Variants in LAMP5 observed in about 807,000 individuals in gnomAD.
LAMP5 encodes the protein lysosome associated membrane protein 5.
A neutral mutation model predicts 30.2 loss-of-function variants in LAMP5; 36 were observed. That is an observed-to-expected ratio of 1.19 (90% CI 0.91 to 1.57). LAMP5 has a LOEUF of 1.57. Ranked by LOEUF, LAMP5 falls within the 40% of genes most tolerant of loss-of-function variation. The pLI is 0.00. For missense variants in LAMP5, 377 were observed against 354.9 expected (o/e 1.06, Z -0.50); for synonymous variants, 149 against 134.6 (o/e 1.11, Z -0.74).
Position 9,516,330 on chromosome 20 carries a change from G to T in LAMP5, c.444G>T (p.Ser148=). The change falls in exon 4 of 6, where the codon TCG becomes TCT. Residue 148 remains serine (S), a synonymous_variant. Transcript: ENST00000246070. The part of the protein sequence containing the change: ...LSKVQFVYDS[S]EKTHFKDAVS... ...AAGTGCAGTTTGTCTACGACTCCTC[G>T]GAGAAAACCCACTTCAAAGACGCAG... The T allele has an allele frequency of 6.2e-7, 1 of 1,614,138 alleles. No individual in the cohort carries two copies. The highest frequency in any genetic ancestry group is 8.5e-7 in the Non-Finnish European group (1 of 1,180,032).
At chr20:9,515,361 C>A in intron 1 of LAMP5, 92 bp from the exon 2 acceptor site, 1 of 1,268,856 alleles carries the variant, frequency 7.9e-7, no homozygotes, top group Non-Finnish European at 1.1e-6. Flanking sequence ...CTTTGTCACT[C>A]CAAAGCCTGC....
intron 5 of LAMP5, among the ~76,000 whole-genome samples, chr20:9,526,422 A>G (rs1052320954): frequency 1.3e-5 from 2 of 152,210 alleles, no homozygotes; most frequent in Non-Finnish European, 2.9e-5. Flanking sequence ...AAAATAAATA[A>G]CCTTTGTTGT....
chr20:9,516,808 T>G (rs961560162), intron 4 of LAMP5, among the ~76,000 whole-genome samples: 2 of 152,164 alleles, frequency 1.3e-5, no homozygotes, highest in African/African-American at 2.4e-5. Flanking sequence ...TCAGTGTCTT[T>G]TTGCGCATGG....
At chr20:9,527,813 A>C (rs555449071) in intron 5 of LAMP5, among the ~76,000 whole-genome samples, 1 of 152,288 alleles carries the variant, frequency 6.6e-6, no homozygotes, top group East Asian at 1.9e-4. Context: ...ATGTAAAAAA[A>C]TGGAGACTCA....
At chr20:9,521,706 T>C (rs2045080646) in intron 5 of LAMP5, among the ~76,000 whole-genome samples, 1 of 152,164 alleles carries the variant, frequency 6.6e-6, no homozygotes, top group Non-Finnish European at 1.5e-5. Context: ...TGCAATTCCC[T>C]TGGAGAGCCC....
rs1052495637 is a variant in LAMP5, at chr20:9,515,640, C to T, written c.237+15C>T. ...ACTACGTAGATGTAAGGAATCTTTC[C>T]CCCCCCTCAGCTTGCTCCTAGGGCT... On this transcript the variant is annotated intron_variant, in intron 2 of 5. Coordinates refer to ENST00000246070, the MANE Select transcript of LAMP5 (RefSeq NM_012261.4). The T allele has an allele frequency of 1.2e-6, 2 of 1,607,134 alleles. No homozygotes were observed. The highest frequency in any genetic ancestry group is 1.1e-5 in the South Asian group (1 of 90,888).
At chr20:9,524,605 A>AAAC (rs2045100194) in intron 5 of LAMP5, among the ~76,000 whole-genome samples, 1 of 149,770 alleles carries the variant, frequency 6.7e-6, no homozygotes, top group Admixed American at 6.6e-5. Context: ...TAAAAAAAAA[A>AAAC]AAAAAAAAAA....
intron 5 of LAMP5, among the ~76,000 whole-genome samples, chr20:9,524,853 G>T (rs1473922191): frequency 6.6e-6 from 1 of 152,160 alleles, no homozygotes; most frequent in African/African-American, 2.4e-5. Context: ...GTCAGGTTTT[G>T]CTGCCAAACA....
At chr20:9,528,895 C>T (rs180838142) in intron 5 of LAMP5, among the ~76,000 whole-genome samples, 2 of 152,310 alleles carry the variant, frequency 1.3e-5, no homozygotes, top group Middle Eastern at 3.4e-3. Context: ...CATAATATTT[C>T]TGAGATGCAC....
At chr20:9,521,243 T>G (rs1329915191) in intron 5 of LAMP5, among the ~76,000 whole-genome samples, 2 of 152,102 alleles carry the variant, frequency 1.3e-5, no homozygotes, top group African/African-American at 4.8e-5. Context: ...AGGTGACATC[T>G]GCTCAGCAGC....
At position 9,514,705 on chromosome 20, in the gene LAMP5, G is replaced by A. The variant is rs551150524; in HGVS notation, c.-148G>A. 3 of 668,160 alleles carry A rather than the reference G, an allele frequency of 4.5e-6. No homozygotes were observed. The South Asian group carries it at 5.5e-5, about 12-fold the overall frequency. 41.4% of individuals were successfully genotyped at this position (668,160 alleles called of 1,614,324 possible). A position where few individuals can be genotyped will look rare whatever the true frequency, so the allele number is the denominator to read the frequency against. ...GCGCTCGACACCGAGTCCTAGCTAG[G>A]CGCTCACAGAATACGCGCTCCCTCC... On this transcript the variant is annotated 5_prime_UTR_variant, in exon 1 of 6. Transcript: ENST00000246070.
At chr20:9,525,773 CCCCA>C (rs2122845339) in intron 5 of LAMP5, among the ~76,000 whole-genome samples, 1 of 152,298 alleles carries the variant, frequency 6.6e-6, no homozygotes, top group African/African-American at 2.4e-5. Context: ...TTTGTTAACT[CCCCA>C]CCCTCCCTGT....
At chr20:9,516,570 C>T (rs537031032) in intron 4 of LAMP5, among the ~76,000 whole-genome samples, 130 of 152,234 alleles carry the variant, frequency 8.5e-4, no homozygotes, top group Non-Finnish European at 1.6e-3. Context: ...GAACCGCAGG[C>T]GTGGGGACCC....
chr20:9,514,880 A>G lies in LAMP5; in HGVS notation c.28A>G (p.Ser10Gly), dbSNP rs768566208. The G allele has an allele frequency of 7.7e-5, 124 of 1,614,070 alleles. No individual in the cohort carries two copies. Among genetic ancestry groups the G allele is most frequent in the Non-Finnish European group, 9.7e-5 (115 of 1,180,038 alleles). Residue 10 changes from serine to glycine, a missense_variant, in exon 1 of 6, where the codon AGC (serine) becomes GGC (glycine). Coordinates refer to ENST00000246070, the MANE Select transcript of LAMP5 (RefSeq NM_012261.4). ...GGATCTCCAAGGAAGAGGGGTCCCC[A>G]GCATCGACAGACTTCGAGTTCTCCT... Reference protein sequence around the residue: MDLQGRGVPSIDRLRVLLML... With the variant: MDLQGRGVPGIDRLRVLLML...
chr20:9,530,484 G>A lies in LAMP5; in HGVS notation c.*664G>A, dbSNP rs186248702. 1.3e-5 allele frequency: 2 copies of A among 152,736 alleles called. No individual in the cohort carries two copies. The allele number at this position is 152,736 out of a possible 1,614,324, so 9.5% of individuals were successfully genotyped here. A position where few individuals can be genotyped will look rare whatever the true frequency, so the allele number is the denominator to read the frequency against. On this transcript the variant is annotated 3_prime_UTR_variant, in exon 6 of 6. Coordinates refer to ENST00000246070, the MANE Select transcript of LAMP5 (RefSeq NM_012261.4). ...GGACCTGAAGAATCAATCTGTGTGA[G>A]TCTGTTTTTCAAAATGAAATAAAAC...
At chr20:9,523,690 C>G (rs1603172667) in intron 5 of LAMP5, among the ~76,000 whole-genome samples, 1 of 152,038 alleles carries the variant, frequency 6.6e-6, no homozygotes, top group African/African-American at 2.4e-5. Context: ...TACTCTAGAG[C>G]CCTGAGTCCA....
rs181542017 is a variant in LAMP5 at position 9,515,636 on chromosome 20, T to A, written c.237+11T>A. On this transcript the variant is annotated intron_variant, in intron 2 of 5. Coordinates refer to ENST00000246070, the MANE Select transcript of LAMP5 (RefSeq NM_012261.4). ...AGCAACTACGTAGATGTAAGGAATC[T>A]TTCCCCCCCCTCAGCTTGCTCCTAG... 4.0e-3 allele frequency: 6,439 copies of A among 1,592,906 alleles called. 20 individuals carry two copies. The highest frequency in any genetic ancestry group is 4.9e-3 in the Non-Finnish European group (5,749 of 1,174,080).
In LAMP5 at chr20:9,516,266, A is replaced by T. The variant is rs1334836634; in HGVS notation, c.380A>T (p.Asn127Ile). 6.2e-7 allele frequency: 1 copy of T among 1,614,000 alleles called. No individual in the cohort carries two copies. Among genetic ancestry groups the T allele is most frequent in the Non-Finnish European group, 8.5e-7 (1 of 1,180,012 alleles). Reference sequence around the variant, plus strand: ...TCCCCGGCTCAACAGGAAAGCCACAACATGTCCAAGGGACCTGAGGCGACT... The same window carrying T: ...TCCCCGGCTCAACAGGAAAGCCACATCATGTCCAAGGGACCTGAGGCGACT... ...LKMLFVKESH[N>I]MSKGPEATWR... The change falls in exon 4 of 6, where the codon AAC becomes ATC. Residue 127 changes from asparagine to isoleucine, a missense_variant. Transcript: ENST00000246070.
chr20:9,529,943 A>C lies in LAMP5; in HGVS notation c.*123A>C. On this transcript the variant is annotated 3_prime_UTR_variant, in exon 6 of 6. Coordinates refer to ENST00000246070, the MANE Select transcript of LAMP5 (RefSeq NM_012261.4). ...TAGCTACAATCAAACAGGCCTGGGT[A>C]TCTGAGGCTTGCTTGGCTTGTGTCC... The C allele has an allele frequency of 1.0e-6, 1 of 965,016 alleles. No individual in the cohort carries two copies. Among genetic ancestry groups the C allele is most frequent in the South Asian group, 1.9e-5 (1 of 53,288 alleles). 59.8% of individuals were successfully genotyped at this position (965,016 alleles called of 1,614,324 possible).
Sources: gnomAD v4.1 joint callset for allele counts (sites outside exome capture counted in the v4.1 genomes callset) on GRCh38, gnomAD v4.1.1 for gene constraint, MANE v1.5 for transcripts, NCBI Gene and HGNC (gene_info 2026-07-23, HGNC 2026-07-21) for gene names.